The following VPS13B variants were observed in gnomAD, a reference collection of about 807,000 sequenced individuals.
VPS13B encodes vacuolar protein sorting 13 homolog B.
VPS13B carries 285 observed loss-of-function variants against 426.4 expected under a neutral mutation model. The observed-to-expected ratio is 0.67, with a 90% CI of 0.61 to 0.74. The LOEUF is 0.74. VPS13B is among the 30% of genes least tolerant of loss of function. The probability of loss-of-function intolerance (pLI) is 0.00; values close to 1 mark genes in which losing one functional copy is unlikely to be tolerated. For missense variants in VPS13B, 4,537 were observed against 4,782.6 expected (o/e 0.95, Z 1.51); for synonymous variants, 1,676 against 1,676.4 (o/e 1.00, Z 0.01).
At chr8:99,680,973 T>G (rs1157542873) in intron 35 of VPS13B, among the ~76,000 whole-genome samples, 1 of 152,224 alleles carries the variant, frequency 6.6e-6, no homozygotes, top group Non-Finnish European at 1.5e-5. Context: ...AAAATGTGGC[T>G]TGCTCAATTT....
intron 5 of VPS13B, among the ~76,000 whole-genome samples, chr8:99,108,475 A>T (rs993026844): frequency 6.6e-6 from 1 of 152,124 alleles, no homozygotes; most frequent in Non-Finnish European, 1.5e-5. Flanking sequence ...ATAAGGGTCT[A>T]GGTTTGTTCT....
At position 99,821,508 on chromosome 8, in the gene VPS13B, G is replaced by T. The variant is rs1284893668; in HGVS notation, c.9183+26G>T. ...GTAAGATCAAAGTCTATGTGGCTGG[G>T]AGGAAATAGCATGCCATCCCCTTAA... On this transcript the variant is annotated intron_variant, in intron 50 of 61. Transcript: ENST00000357162. 1.9e-6 allele frequency: 3 copies of T among 1,613,066 alleles called. No individual in the cohort carries two copies. In the African/African-American group the frequency reaches 4.0e-5, roughly 22 times the overall value.
intron 17 of VPS13B, among the ~76,000 whole-genome samples, chr8:99,272,733 A>T (rs147445029): frequency 0.011 from 1,622 of 152,312 alleles, 35 homozygotes; most frequent in African/African-American, 0.037. Flanking sequence ...CATAATAAAG[A>T]TGTTAATATC....
In VPS13B at chr8:99,262,557, T is replaced by C. The variant is rs77304345; in HGVS notation, c.2516-11641T>C. On this transcript the variant is annotated intron_variant, in intron 17 of 61. Transcript: ENST00000357162. ...GATAAATCTTCCCCTCATTTCACTT[T>C]CTCCCTTTATTCTTCCCCTGAAAGG... 8.9e-3 allele frequency among the ~76,000 whole-genome samples: 1,353 copies of C among 152,260 alleles called. 7 individuals carry two copies. The highest frequency in any genetic ancestry group is 0.014 in the Non-Finnish European group (959 of 68,020).
chr8:99,352,536 G>A (rs1811947486), intron 19 of VPS13B, among the ~76,000 whole-genome samples: 2 of 152,170 alleles, frequency 1.3e-5, no homozygotes, highest in Admixed American at 6.5e-5. Flanking sequence ...TGACTAACAA[G>A]TAAAAGAAAA....
chr8:99,306,693 A>G (rs550527671), intron 19 of VPS13B, among the ~76,000 whole-genome samples: 1 of 152,222 alleles, frequency 6.6e-6, no homozygotes, highest in East Asian at 1.9e-4. Context: ...CCTACACAGT[A>G]TAGTGTGGGA....
intron 29 of VPS13B, among the ~76,000 whole-genome samples, chr8:99,512,759 C>G (rs965841536): frequency 3.3e-5 from 5 of 152,030 alleles, no homozygotes; most frequent in Non-Finnish European, 5.9e-5. Flanking sequence ...CCTGTAATCC[C>G]AACACTTTGG....
chr8:99,654,740 T>G (rs1372924075), intron 34 of VPS13B, among the ~76,000 whole-genome samples: 1 of 152,066 alleles, frequency 6.6e-6, no homozygotes, highest in Non-Finnish European at 1.5e-5. Flanking sequence ...AATAAATGTA[T>G]CATACTACAA....
Position 99,720,847 on chromosome 8 carries a change from T to C in VPS13B, c.6866-16T>C. On this transcript the variant is annotated splice_polypyrimidine_tract_variant and intron_variant, in intron 38 of 61. Coordinates refer to ENST00000357162, the MANE Select transcript of VPS13B (RefSeq NM_152564.5). ...CCCCTTTAAATCATACAATTAATTA[T>C]ACTTTTATTTGACAGAATCTTTGAA... The C allele has an allele frequency of 1.2e-6, 2 of 1,602,442 alleles. No homozygotes were observed. Among genetic ancestry groups the C allele is most frequent in the Non-Finnish European group, 8.5e-7 (1 of 1,171,796 alleles).
At chr8:99,614,274 T>C (rs75976055) in intron 33 of VPS13B, among the ~76,000 whole-genome samples, 20,765 of 148,198 alleles carry the variant, frequency 0.14, 1,956 homozygotes, top group East Asian at 0.39. Flanking sequence ...CACACACACA[T>C]ATATATATAT....
intron 23 of VPS13B, among the ~76,000 whole-genome samples, chr8:99,459,060 A>C (rs1818689527): frequency 6.6e-6 from 1 of 152,166 alleles, no homozygotes; most frequent in Admixed American, 6.6e-5. Flanking sequence ...TAGGTCTAAC[A>C]TTTAAGTCCA....
Position 99,194,062 on chromosome 8 carries a change from G to A in VPS13B, c.2515+1005G>A, listed in dbSNP as rs145011660. 6.9e-3 allele frequency among the ~76,000 whole-genome samples: 1,057 copies of A among 152,284 alleles called. 16 individuals are homozygous for A. The highest frequency in any genetic ancestry group is 0.024 in the African/African-American group (1,005 of 41,548). ...GTGACTTAATCACATGAGGTCAGGC[G>A]TGGAATTTTCTACTTGTATCATGTC... On this transcript the variant is annotated intron_variant, in intron 17 of 61. Coordinates refer to ENST00000357162, the MANE Select transcript of VPS13B (RefSeq NM_152564.5).
intron 30 of VPS13B, among the ~76,000 whole-genome samples, chr8:99,540,329 T>G (rs998544804): frequency 4.0e-5 from 6 of 151,598 alleles, no homozygotes; most frequent in African/African-American, 1.5e-4. Context: ...TCCACCCGCC[T>G]CAGCCTCCCA....
intron 19 of VPS13B, among the ~76,000 whole-genome samples, chr8:99,302,870 A>G (rs916853835): frequency 6.6e-6 from 1 of 152,178 alleles, no homozygotes; most frequent in African/African-American, 2.4e-5. Flanking sequence ...TACGGTTTCT[A>G]TTGAACGCAT....
chr8:99,658,086 A>G (rs1225471733), intron 34 of VPS13B, among the ~76,000 whole-genome samples: 2 of 152,234 alleles, frequency 1.3e-5, no homozygotes, highest in Non-Finnish European at 2.9e-5. Context: ...AGTGCTCTCC[A>G]GGAGGATTCA....
At chr8:99,132,881 A>G (rs1259133949) in intron 8 of VPS13B, among the ~76,000 whole-genome samples, 2 of 152,206 alleles carry the variant, frequency 1.3e-5, no homozygotes, top group African/African-American at 4.8e-5. Flanking sequence ...AAACAGATGT[A>G]CTGTCATTCA....
chr8:99,800,066 G>C (rs1813043106), intron 43 of VPS13B, among the ~76,000 whole-genome samples: 1 of 152,100 alleles, frequency 6.6e-6, no homozygotes, highest in African/African-American at 2.4e-5. Flanking sequence ...CTATCATTCT[G>C]TTAAGAGTTT....
chr8:99,125,124 A>T (rs1848134687), intron 8 of VPS13B, among the ~76,000 whole-genome samples: 1 of 152,176 alleles, frequency 6.6e-6, no homozygotes, highest in Admixed American at 6.5e-5. Context: ...GCCGTCTGCA[A>T]GTTGAGGAGC....
chr8:99,633,806 G>GGTGTGTGTGTGTGT (rs139474452), intron 33 of VPS13B, among the ~76,000 whole-genome samples: 7,309 of 143,860 alleles, frequency 0.051, 260 homozygotes, highest in East Asian at 0.18. Context: ...GAATGTGTCA[G>GGTGTGTGTGTGTGT]GTGTGTGTGT....
Sources: allele counts gnomAD v4.1 joint callset (sites outside exome capture counted in the v4.1 genomes callset), GRCh38; gene constraint gnomAD v4.1.1; transcripts MANE v1.5; gene names NCBI Gene and HGNC (gene_info 2026-07-23, HGNC 2026-07-21).